GPR158: variants seen among roughly 807,000 people sequenced by gnomAD.
The protein encoded by GPR158 is G protein-coupled receptor 158.
In GPR158, 30 loss-of-function variants were observed where a neutral mutation model predicts 78.2. The ratio of observed to expected loss-of-function variants is 0.38; its 90% CI spans 0.29 to 0.52. The LOEUF (loss-of-function observed/expected upper bound fraction) is 0.52. Among genes scored for constraint, GPR158 ranks in the 20% least tolerant of loss-of-function variants. The pLI, the probability that GPR158 is intolerant of heterozygous loss-of-function variation, is 0.83. For synonymous variants in GPR158, 581 were observed against 591.1 expected (o/e 0.98, Z 0.25); for missense variants, 1,463 against 1,523.5 (o/e 0.96, Z 0.66).
chr10:25,277,936 C>T (rs1461235450), intron 2 of GPR158, among the ~76,000 whole-genome samples: 1 of 151,896 alleles, frequency 6.6e-6, no homozygotes, highest in Non-Finnish European at 1.5e-5. Context: ...AAATTCAAGC[C>T]CAGACATTAT....
intron 4 of GPR158, among the ~76,000 whole-genome samples, chr10:25,422,012 C>T (rs753919695): frequency 2.6e-5 from 4 of 152,100 alleles, no homozygotes; most frequent in African/African-American, 9.7e-5. Context: ...TGACTTTTGG[C>T]CAATATTTTC....
chr10:25,187,004 G>A (rs1355417042), intron 1 of GPR158, among the ~76,000 whole-genome samples: 2 of 130,224 alleles, frequency 1.5e-5, no homozygotes, highest in Non-Finnish European at 3.1e-5. Flanking sequence ...TCACTCTGTC[G>A]CCCAGGCTGG....
intron 5 of GPR158, among the ~76,000 whole-genome samples, chr10:25,505,296 G>A (rs530215122): frequency 1.3e-5 from 2 of 152,276 alleles, no homozygotes; most frequent in South Asian, 4.2e-4. Context: ...CTCTGTTTCT[G>A]AGCACAGAAT....
intron 2 of GPR158, among the ~76,000 whole-genome samples, chr10:25,373,335 C>T (rs904112599): frequency 2.0e-5 from 3 of 151,774 alleles, no homozygotes; most frequent in Non-Finnish European, 2.9e-5. Context: ...AAAAACTGTT[C>T]GGTACTAGGC....
chr10:25,528,249 T>C (rs1223109078), intron 5 of GPR158, among the ~76,000 whole-genome samples: 5 of 151,776 alleles, frequency 3.3e-5, no homozygotes, highest in African/African-American at 1.2e-4. Flanking sequence ...GAAAAGAACA[T>C]GACAAACAAT....
intron 3 of GPR158, among the ~76,000 whole-genome samples, chr10:25,405,900 C>A (rs1834508336): frequency 6.6e-6 from 1 of 151,916 alleles, no homozygotes; most frequent in Admixed American, 6.6e-5. Context: ...CTACAAGATC[C>A]CAAGTTAGTT....
intron 2 of GPR158, among the ~76,000 whole-genome samples, chr10:25,251,678 G>C (rs1271418556): frequency 6.6e-6 from 1 of 151,556 alleles, no homozygotes; most frequent in Non-Finnish European, 1.5e-5. Context: ...TCTGCCGAGA[G>C]ATCTGCTGTT....
intron 2 of GPR158, among the ~76,000 whole-genome samples, chr10:25,233,255 A>C (rs1288487670): frequency 6.6e-6 from 1 of 152,208 alleles, no homozygotes; most frequent in South Asian, 2.1e-4. Context: ...AGTGCTTTCT[A>C]TTATCTTACC....
At chr10:25,198,106 A>T (rs1205556084) in intron 1 of GPR158, among the ~76,000 whole-genome samples, 2 of 152,220 alleles carry the variant, frequency 1.3e-5, no homozygotes, top group African/African-American at 2.4e-5. Flanking sequence ...ATTTTAAGAG[A>T]TGTGCTGCAT....
chr10:25,300,901 G>A (rs180897313), intron 2 of GPR158, among the ~76,000 whole-genome samples: 146 of 152,128 alleles, frequency 9.6e-4, no homozygotes, highest in African/African-American at 3.2e-3. Context: ...AATTCATTTG[G>A]CTTTGTCTAA....
Position 25,531,558 on chromosome 10 carries a change from C to T in GPR158, c.1405-19418C>T, listed in dbSNP as rs189215761. ...GCTGAGTAATAAGAAAGTGTCCTCTCGAAAGAGATGAGGCAGTGAGTCAGA... is the reference window on the plus strand; with the variant it reads ...GCTGAGTAATAAGAAAGTGTCCTCTTGAAAGAGATGAGGCAGTGAGTCAGA... On this transcript the variant is annotated intron_variant, in intron 5 of 10. Coordinates refer to ENST00000376351, the MANE Select transcript of GPR158 (RefSeq NM_020752.3). Among the ~76,000 whole-genome samples, 347 of 152,216 alleles carry T rather than the reference C, an allele frequency of 2.3e-3. 15 individuals are homozygous for T. Among genetic ancestry groups the T allele is most frequent in the Admixed American group, 0.022 (339 of 15,280 alleles).
intron 2 of GPR158, among the ~76,000 whole-genome samples, chr10:25,364,733 A>C (rs1212034946): frequency 1.3e-5 from 2 of 151,840 alleles, no homozygotes; most frequent in Admixed American, 1.3e-4. Context: ...AGTCTAGGAG[A>C]GCTGTCAATT....
chr10:25,546,390 T>G (rs1836662476), intron 5 of GPR158, among the ~76,000 whole-genome samples: 1 of 152,142 alleles, frequency 6.6e-6, no homozygotes, highest in Non-Finnish European at 1.5e-5. Flanking sequence ...TTATGCATCC[T>G]TTTCTTTTTG....
At position 25,465,036 on chromosome 10, in the gene GPR158, G is replaced by GT. The variant is rs1017747624; in HGVS notation, c.1336-1606dup. Among the ~76,000 whole-genome samples the GT allele has an allele frequency of 7.7e-4, 117 of 151,374 alleles. 1 individual carries two copies. The highest frequency in any genetic ancestry group is 1.8e-3 in the African/African-American group (76 of 41,306). On this transcript the variant is annotated intron_variant, in intron 4 of 10. Coordinates refer to ENST00000376351, the MANE Select transcript of GPR158 (RefSeq NM_020752.3). Reference sequence around the variant, plus strand: ...ATTCTTAAATTAATGCAAGCCCTGAGTTTTTTTTTGAGGGTTACACAAAGT... The same window carrying GT: ...ATTCTTAAATTAATGCAAGCCCTGAGTTTTTTTTTTGAGGGTTACACAAAGT...
intron 2 of GPR158, among the ~76,000 whole-genome samples, chr10:25,237,829 A>G (rs1209135373): frequency 6.6e-6 from 1 of 152,202 alleles, no homozygotes; most frequent in Non-Finnish European, 1.5e-5. Context: ...ATTTTACAGT[A>G]TATCTACATG....
At chr10:25,283,784 A>G (rs1232444758) in intron 2 of GPR158, among the ~76,000 whole-genome samples, 2 of 152,050 alleles carry the variant, frequency 1.3e-5, no homozygotes, top group Non-Finnish European at 2.9e-5. Context: ...TGCTGAATTC[A>G]ATCAATTTTG....
chr10:25,507,865 T>G (rs1041625937), intron 5 of GPR158, among the ~76,000 whole-genome samples: 1 of 152,222 alleles, frequency 6.6e-6, no homozygotes, highest in Non-Finnish European at 1.5e-5. Flanking sequence ...GGCAATCAAT[T>G]TGAATGCTTA....
At chr10:25,466,828 AG>A in intron 5 of GPR158, 109 bp downstream of exon 5, 1 of 528,860 alleles carries the variant, frequency 1.9e-6, no homozygotes, top group Non-Finnish European at 3.2e-6. Context: ...TGGTGTTACT[AG>A]GAAGTGTGGA....
intron 4 of GPR158, among the ~76,000 whole-genome samples, chr10:25,452,652 C>A (rs756196071): frequency 6.6e-6 from 1 of 152,082 alleles, no homozygotes; most frequent in African/African-American, 2.4e-5. Context: ...GAGGCACAGA[C>A]GTGTGGTAAT....
Sources: allele counts gnomAD v4.1 joint callset (sites outside exome capture counted in the v4.1 genomes callset), GRCh38; gene constraint gnomAD v4.1.1; transcripts MANE v1.5; gene names NCBI Gene and HGNC (gene_info 2026-07-23, HGNC 2026-07-21).